The following C3orf20 variants were observed in gnomAD, a reference collection of about 807,000 sequenced individuals.
The protein encoded by C3orf20 is family with sequence similarity 149 member C.
In C3orf20, 76 loss-of-function variants were observed where a neutral mutation model predicts 88.3. The ratio of observed to expected loss-of-function variants is 0.86; its 90% CI spans 0.72 to 1.04. The LOEUF (loss-of-function observed/expected upper bound fraction) is 1.04. C3orf20 is among the 50% of genes least tolerant of loss of function. The probability of loss-of-function intolerance (pLI) is 0.00; values close to 1 mark genes in which losing one functional copy is unlikely to be tolerated. For synonymous variants in C3orf20, 436 were observed against 437.4 expected (o/e 1.00, Z 0.04); for missense variants, 1,056 against 1,123.3 (o/e 0.94, Z 0.86).
At chr3:14,771,979 G>C in intron 15 of C3orf20, 88 bp from the exon 16 acceptor site, 1 of 1,532,690 alleles carries the variant, frequency 6.5e-7, no homozygotes, top group Non-Finnish European at 8.9e-7. Flanking sequence ...TTGTGTCCTT[G>C]TCTGTCCAGG....
At position 14,682,830 on chromosome 3, in the gene C3orf20, A is replaced by G; in HGVS notation, c.117A>G (p.Val39=). 1 of 1,614,226 alleles carries G rather than the reference A, an allele frequency of 6.2e-7. No homozygotes were observed. The highest frequency in any genetic ancestry group is 8.5e-7 in the Non-Finnish European group (1 of 1,180,046). ...LMICQNAGIS[V]PKGIRNIFEF... is the part of the protein sequence containing the mutation. ...TCTGCCAGAATGCAGGCATTTCTGTACCAAAAGGCATCAGAAACATCTTTG... is the reference window on the plus strand; with the variant it reads ...TCTGCCAGAATGCAGGCATTTCTGTGCCAAAAGGCATCAGAAACATCTTTG... Residue 39 remains valine, a synonymous_variant, in exon 3 of 17, where the codon GTA becomes GTG. Transcript: ENST00000253697.
intron 1 of C3orf20, among the ~76,000 whole-genome samples, chr3:14,677,720 C>G (rs147005193): frequency 0.01 from 1,555 of 152,186 alleles, 25 homozygotes; most frequent in African/African-American, 0.034. Flanking sequence ...AGGCTGGTCT[C>G]AAACTCCTGA....
chr3:14,759,809 C>CCAGG lies in C3orf20; in HGVS notation c.2245-80_2245-77dup. The CCAGG allele has an allele frequency of 3.4e-6, 4 of 1,192,200 alleles. No homozygotes were observed. In the South Asian group the frequency reaches 5.1e-5, roughly 15 times the overall value. The allele number at this position is 1,192,200 out of a possible 1,614,324, so 73.9% of individuals were successfully genotyped here. On this transcript the variant is annotated intron_variant, in intron 13 of 16. Coordinates refer to ENST00000253697, the MANE Select transcript of C3orf20 (RefSeq NM_032137.5). ...ACAGGGCTCCAGGACTCAGGGGGAA[C>CCAGG]CAGGCCTAGCCGAGAATATGGCAAT...
chr3:14,738,819 T>TTTG (rs1343026897), intron 12 of C3orf20, among the ~76,000 whole-genome samples: 3 of 144,400 alleles, frequency 2.1e-5, no homozygotes, highest in South Asian at 2.2e-4. Context: ...TTTTTTGTTT[T>TTTG]TTTTTTTTTT....
At chr3:14,728,026 A>G (rs540640436) in intron 11 of C3orf20, among the ~76,000 whole-genome samples, 4 of 152,240 alleles carry the variant, frequency 2.6e-5, no homozygotes, top group African/African-American at 9.6e-5. Flanking sequence ...GAATATAAAT[A>G]AATACAATAC....
chr3:14,727,458 C>T (rs962311749), intron 11 of C3orf20, among the ~76,000 whole-genome samples: 1 of 152,132 alleles, frequency 6.6e-6, no homozygotes, highest in Non-Finnish European at 1.5e-5. Context: ...AATGCAATCA[C>T]CTCTCTAGGC....
At chr3:14,694,702 C>G (rs961584793) in intron 5 of C3orf20, among the ~76,000 whole-genome samples, 1 of 151,860 alleles carries the variant, frequency 6.6e-6, no homozygotes, top group African/African-American at 2.4e-5. Context: ...TGCTCTTATC[C>G]TTATTATTTC....
chr3:14,721,045 T>A (rs2034140995), intron 9 of C3orf20, among the ~76,000 whole-genome samples: 1 of 152,200 alleles, frequency 6.6e-6, no homozygotes, highest in Non-Finnish European at 1.5e-5. Flanking sequence ...AATCCCACTC[T>A]TTTGGAAGTG....
chr3:14,745,053 C>T lies in C3orf20; in HGVS notation c.1941-12318C>T, dbSNP rs373581206. Among the ~76,000 whole-genome samples, 43 of 152,302 alleles carry T rather than the reference C, an allele frequency of 2.8e-4. No individual in the cohort carries two copies. In the East Asian group the frequency reaches 5.8e-3, roughly 20 times the overall value. On this transcript the variant is annotated intron_variant, in intron 12 of 16. Coordinates refer to ENST00000253697, the MANE Select transcript of C3orf20 (RefSeq NM_032137.5). ...ATGTAGAGTCATGTGTTAATGTTTCCAGATATCCTCAGGGACATTAGTGGG... is the reference window on the plus strand; with the variant it reads ...ATGTAGAGTCATGTGTTAATGTTTCTAGATATCCTCAGGGACATTAGTGGG...
intron 5 of C3orf20, among the ~76,000 whole-genome samples, chr3:14,695,265 A>G (rs1257938447): frequency 1.3e-5 from 2 of 152,150 alleles, no homozygotes; most frequent in East Asian, 1.9e-4. Context: ...ATTCAGGAGC[A>G]TATTGTTTAA....
At chr3:14,721,218 G>A (rs1178567750) in intron 9 of C3orf20, among the ~76,000 whole-genome samples, 1 of 152,190 alleles carries the variant, frequency 6.6e-6, no homozygotes, top group Non-Finnish European at 1.5e-5. Context: ...GGCGCTTCCT[G>A]CCAAGTGGTC....
chr3:14,735,597 ATTT>A (rs199506151), intron 12 of C3orf20, among the ~76,000 whole-genome samples: 86 of 145,288 alleles, frequency 5.9e-4, no homozygotes, highest in Admixed American at 2.4e-3. Flanking sequence ...ACTATTATGA[ATTT>A]TTTTTTTTTT....
At chr3:14,721,557 A>G in intron 9 of C3orf20, 96 bp from the exon 10 acceptor site, 1 of 1,514,414 alleles carries the variant, frequency 6.6e-7, no homozygotes, top group Non-Finnish European at 8.9e-7. Context: ...CTTCTGCCCC[A>G]AGCCAACAGG....
intron 12 of C3orf20, among the ~76,000 whole-genome samples, chr3:14,733,197 G>A (rs1239660926): frequency 6.6e-6 from 1 of 151,916 alleles, no homozygotes; most frequent in Non-Finnish European, 1.5e-5. Flanking sequence ...TTCCTTTCTT[G>A]TAATGTTTTT....
intron 10 of C3orf20, among the ~76,000 whole-genome samples, chr3:14,725,559 A>C (rs1365239230): frequency 6.6e-6 from 1 of 152,218 alleles, no homozygotes; most frequent in Non-Finnish European, 1.5e-5. Context: ...GGCTGAGTAT[A>C]AATTTCAAAT....
intron 7 of C3orf20, among the ~76,000 whole-genome samples, chr3:14,706,684 C>T (rs2033516380): frequency 6.6e-6 from 1 of 151,858 alleles, no homozygotes; most frequent in African/African-American, 2.4e-5. Context: ...GGGCTCTAGG[C>T]TCAGTTCTTT....
At chr3:14,725,261 C>A (rs549729427) in intron 10 of C3orf20, among the ~76,000 whole-genome samples, 1 of 152,126 alleles carries the variant, frequency 6.6e-6, no homozygotes. Flanking sequence ...ATTCTTGGAC[C>A]GTGAGAGCTG....
chr3:14,752,324 A>G (rs1559440581), intron 12 of C3orf20, among the ~76,000 whole-genome samples: 2 of 152,210 alleles, frequency 1.3e-5, no homozygotes, highest in Non-Finnish European at 2.9e-5. Flanking sequence ...CTTATACAAA[A>G]ATTAACTCGA....
At chr3:14,685,811 A>G (rs2032386580) in intron 4 of C3orf20, among the ~76,000 whole-genome samples, 1 of 146,408 alleles carries the variant, frequency 6.8e-6, no homozygotes, top group South Asian at 2.1e-4. Context: ...TTCAGCATAT[A>G]ATGTACTCTA....
Sources: gnomAD v4.1 joint callset for allele counts (sites outside exome capture counted in the v4.1 genomes callset) on GRCh38, gnomAD v4.1.1 for gene constraint, MANE v1.5 for transcripts, NCBI Gene and HGNC (gene_info 2026-07-23, HGNC 2026-07-21) for gene names.